Variants in ITGB7 observed in about 807,000 individuals in gnomAD.
ITGB7 encodes integrin subunit beta 7, also known as integrin beta-7.
In ITGB7, 55 loss-of-function variants were observed where a neutral mutation model predicts 83.4. The observed-to-expected ratio is 0.66, with a 90% CI of 0.53 to 0.83. The LOEUF is 0.83. Among genes scored for constraint, ITGB7 ranks in the 40% least tolerant of loss-of-function variants. ITGB7 has a pLI of 0.00. For synonymous variants in ITGB7, 454 were observed against 423.6 expected, an observed-to-expected ratio of 1.07 and a Z score of -0.88; for missense variants, 921 against 1,046.7, an observed-to-expected ratio of 0.88 and a Z score of 1.66.
chr12:53,200,538 A>C (rs908550696), intron 2 of ITGB7, 92 bp from the exon 3 acceptor site: 4 of 1,041,052 alleles, frequency 3.8e-6, no homozygotes, highest in African/African-American at 1.6e-5. Flanking sequence ...TATCACTCTC[A>C]AAACTCTGCC....
intron 1 of ITGB7, among the ~76,000 whole-genome samples, chr12:53,206,407 C>G (rs142716698): frequency 6.6e-6 from 1 of 152,296 alleles, no homozygotes; most frequent in Non-Finnish European, 1.5e-5. Flanking sequence ...CAGGACAGGG[C>G]AGGGCCAGGC....
In ITGB7 at chr12:53,192,394, C is replaced by A; in HGVS notation, c.2091G>T (p.Leu697=). 1 of 1,614,130 alleles carries A rather than the reference C, an allele frequency of 6.2e-7. No individual in the cohort carries two copies. Among genetic ancestry groups the A allele is most frequent in the African/African-American group, 1.3e-5 (1 of 75,026 alleles). Residue 697 remains leucine, a synonymous_variant, in exon 14 of 16, where the codon CTG becomes CTT. Coordinates refer to ENST00000267082, the MANE Select transcript of ITGB7 (RefSeq NM_000889.3). ...CGTCATCCTCCACCAAGAAGAAGAA[C>A]AGCTGGTTGTCCAGGGTCCGCTCTT... is the stretch of plus-strand genomic sequence containing the variant. ...WCKERTLDNQ[L]FFFLVEDDAR...
chr12:53,193,133 C>CACCTGGAG lies in ITGB7; in HGVS notation c.1726+6_1726+7insCTCCAGGT. 6.2e-7 allele frequency: 1 copy of CACCTGGAG among 1,600,232 alleles called. No individual in the cohort carries two copies. The highest frequency in any genetic ancestry group is 2.2e-5 in the East Asian group (1 of 44,578). The stretch of plus-strand genomic sequence containing the variant: ...GACCCCGCCCTTCTCCCCAAGGCTC[C>CACCTGGAG]AGGTACCTCCGCAGAGGATGCCCTC... On this transcript the variant is annotated splice_region_variant and intron_variant, in intron 12 of 15. Coordinates refer to ENST00000267082, the MANE Select transcript of ITGB7 (RefSeq NM_000889.3).
chr12:53,202,476 G>A (rs906044906), intron 1 of ITGB7, among the ~76,000 whole-genome samples: 7 of 151,920 alleles, frequency 4.6e-5, no homozygotes, highest in Admixed American at 3.9e-4. Context: ...GGCCTCAGGC[G>A]CCCAAGTATC....
intron 3 of ITGB7, 27 bp downstream of exon 3, chr12:53,200,216 G>T (rs1400942297): frequency 8.8e-6 from 14 of 1,593,710 alleles, no homozygotes; most frequent in African/African-American, 1.3e-5. Context: ...CATACACATG[G>T]TTCAAAGACC....
intron 1 of ITGB7, among the ~76,000 whole-genome samples, chr12:53,205,430 C>T (rs1942419759): frequency 1.3e-5 from 2 of 152,106 alleles, no homozygotes; most frequent in Non-Finnish European, 2.9e-5. Flanking sequence ...CTCAAGCGAC[C>T]CACCTGCCTC....
chr12:53,195,741 C>G lies in ITGB7; in HGVS notation c.976-20G>C, dbSNP rs754057948. 12 of 1,584,304 alleles carry G rather than the reference C, an allele frequency of 7.6e-6. No individual in the cohort carries two copies. In the South Asian group the frequency reaches 7.7e-5, roughly 10 times the overall value. On this transcript the variant is annotated intron_variant, in intron 7 of 15. Transcript: ENST00000267082. ...GTAGTCCTGGGACAGGGAGCAGGGACAAGGTGAGCCCCACAGGTTTCCCCC... is the reference window on the plus strand; with the variant it reads ...GTAGTCCTGGGACAGGGAGCAGGGAGAAGGTGAGCCCCACAGGTTTCCCCC...
chr12:53,203,696 G>GA (rs1202620894), intron 1 of ITGB7, among the ~76,000 whole-genome samples: 1 of 126,778 alleles, frequency 7.9e-6, no homozygotes, highest in Non-Finnish European at 1.7e-5. Flanking sequence ...AAAAGAAGAA[G>GA]AAAAAAACCA....
Position 53,197,493 on chromosome 12 carries a change from C to G in ITGB7, c.574G>C (p.Gly192Arg). The G allele has an allele frequency of 6.2e-7, 1 of 1,614,172 alleles. No homozygotes were observed. The highest frequency in any genetic ancestry group is 8.5e-7 in the Non-Finnish European group (1 of 1,180,014). The change falls in exon 5 of 16, where the codon GGT (glycine) becomes CGT (arginine). Residue 192 changes from glycine to arginine, a missense_variant and splice_region_variant. Coordinates refer to ENST00000267082, the MANE Select transcript of ITGB7 (RefSeq NM_000889.3). ...GGGCGGGAGGCAGCGCTCGGCTCAC[C>G]AATGCGCACAGAATGGGTGACTTCC... ...LQEVTHSVRIGFGSFVDKTVL... is the reference protein window; with the variant it reads ...LQEVTHSVRIRFGSFVDKTVL...
In ITGB7 at chr12:53,200,388, C is replaced by T. The variant is rs1942297320; in HGVS notation, c.56G>A (p.Ser19Asn). The change falls in exon 3 of 16, where the codon AGT becomes AAT. Residue 19 changes from serine (S) to asparagine (N), a missense_variant. Ser to Asn is a conservative substitution (Grantham distance 46, BLOSUM62 1). Coordinates refer to ENST00000267082, the MANE Select transcript of ITGB7 (RefSeq NM_000889.3). ...GGATGGGATCTTGGCGTCCAATTCA[C>T]TCTCACCTCTGCTCAGGACCAGCAG... ...VLLLVLSRGE[S>N]ELDAKIPSTG... The T allele has an allele frequency of 1.9e-6, 3 of 1,614,056 alleles. No homozygotes were observed. Among genetic ancestry groups the T allele is most frequent in the African/African-American group, 1.3e-5 (1 of 74,894 alleles).
rs560993531 is a variant in ITGB7 at position 53,198,117 on chromosome 12, C to T, written c.202-166G>A. Among the ~76,000 whole-genome samples, 10 of 152,262 alleles carry T rather than the reference C, an allele frequency of 6.6e-5. No individual in the cohort carries two copies. The East Asian group carries it at 1.7e-3, about 26-fold the overall frequency. On this transcript the variant is annotated intron_variant, in intron 3 of 15. Coordinates refer to ENST00000267082, the MANE Select transcript of ITGB7 (RefSeq NM_000889.3). ...TCCTCGCCACAGCTACCCTTGAACTCCGGTCTTTTTTGTTGTTTTGTTTTG... is the reference window on the plus strand; with the variant it reads ...TCCTCGCCACAGCTACCCTTGAACTTCGGTCTTTTTTGTTGTTTTGTTTTG...
rs149841185 is a variant in ITGB7, at chr12:53,204,073, T to C, written c.-126-2879A>G. Among the ~76,000 whole-genome samples the C allele has an allele frequency of 3.4e-3, 522 of 152,236 alleles. 1 individual carries two copies. The highest frequency in any genetic ancestry group is 5.6e-3 in the Non-Finnish European group (380 of 68,018). The stretch of plus-strand genomic sequence containing the variant: ...GTATATCCATACAGCAGAACGTTAT[T>C]TGGCCATAAAAAGCAATGAAATGGG... On this transcript the variant is annotated intron_variant, in intron 1 of 15. Transcript: ENST00000267082.
chr12:53,198,222 C>T (rs1319737217), intron 3 of ITGB7, among the ~76,000 whole-genome samples: 1 of 152,164 alleles, frequency 6.6e-6, no homozygotes, highest in Non-Finnish European at 1.5e-5. Flanking sequence ...CTCCACCTCC[C>T]GGGTTCAAGT....
rs1440449428 is a variant in ITGB7 at position 53,193,695 on chromosome 12, A to T, written c.1502+13T>A. ...TGGGAGCCAGGTGGTTGAAGGGAAG[A>T]GGAGGCCCTCACCTGCATACACCAC... On this transcript the variant is annotated intron_variant, in intron 11 of 15. Transcript: ENST00000267082. 1.0e-5 allele frequency: 16 copies of T among 1,594,180 alleles called. No individual in the cohort carries two copies. Among genetic ancestry groups the T allele is most frequent in the Non-Finnish European group, 1.3e-5 (15 of 1,168,734 alleles).
intron 3 of ITGB7, among the ~76,000 whole-genome samples, chr12:53,198,239 C>T (rs191292597): frequency 2.6e-5 from 4 of 152,332 alleles, no homozygotes; most frequent in Admixed American, 6.5e-5. Context: ...AAGTGATTCT[C>T]GTACCTCAGC....
At chr12:53,195,542 T>G in intron 8 of ITGB7, 79 bp from the exon 9 acceptor site, 2 of 1,508,082 alleles carry the variant, frequency 1.3e-6, no homozygotes, top group Non-Finnish European at 1.8e-6. Context: ...AAGGAGGGCA[T>G]ATGGGGGACG....
chr12:53,196,937 T>A, intron 5 of ITGB7, 117 bp from the exon 6 acceptor site: 1 of 1,168,138 alleles, frequency 8.6e-7, no homozygotes, highest in East Asian at 2.5e-5. Context: ...AGGGTGCACC[T>A]AGGGGGCAGG....
In ITGB7 at chr12:53,193,831, AG is replaced by A. The variant is rs780600718; in HGVS notation, c.1378del (p.Gly461AlafsTer6). The A allele has an allele frequency of 3.0e-5, 48 of 1,613,950 alleles. No homozygotes were observed. Among genetic ancestry groups the A allele is most frequent in the Non-Finnish European group, 3.8e-5 (45 of 1,180,002 alleles). ...CACAATCAGCTCCTCTGAGAAGCCA[AG>A]GGCCCGGAGCCTCAGGAGATGGGGC... Reference protein sequence around the residue: ...PEPHLLRLRALGFSEELIVEL... With the variant: ...PEPHLLRLRAXGFSEELIVEL... On this transcript the variant is annotated frameshift_variant, in exon 11 of 16. Transcript: ENST00000267082. LOFTEE classifies it high-confidence loss of function.
chr12:53,193,476 C>T, intron 11 of ITGB7, 113 bp from the exon 12 acceptor site: 1 of 833,986 alleles, frequency 1.2e-6, no homozygotes, highest in Non-Finnish European at 1.8e-6. Context: ...GACAGACAAA[C>T]AGCTGAAAGG....
Sources: gnomAD v4.1 joint callset for allele counts (sites outside exome capture counted in the v4.1 genomes callset) on GRCh38, gnomAD v4.1.1 for gene constraint, MANE v1.5 for transcripts, NCBI Gene and HGNC (gene_info 2026-07-23, HGNC 2026-07-21) for gene names.